The following ZNF83 variants were observed in gnomAD, a reference collection of about 807,000 sequenced individuals.
ZNF83 encodes the protein zinc finger protein 83.
For missense variants in ZNF83, 552 were observed against 629.9 expected, an observed-to-expected ratio of 0.88 and a Z score of 1.32; for synonymous variants, 209 against 213.0, an observed-to-expected ratio of 0.98 and a Z score of 0.17.
exon 3 of ZNF83, chr19:52,655,617 T>C (rs1393540413): frequency 9.3e-6 from 14 of 1,498,488 alleles, no homozygotes; most frequent in Non-Finnish European, 1.3e-5. Flanking sequence ...TAAAGCCCTC[T>C]GTGCAGGGTT....
At chr19:52,667,096 G>A (rs1161060800) in intron 1 of ZNF83, among the ~76,000 whole-genome samples, 2 of 151,896 alleles carry the variant, frequency 1.3e-5, no homozygotes, top group African/African-American at 2.4e-5. Flanking sequence ...CGTTTTCAAC[G>A]AAAGTCAAGT....
At chr19:52,655,669 C>T in exon 3 of ZNF83, 2 of 1,270,536 alleles carry the variant, frequency 1.6e-6, no homozygotes, top group Non-Finnish European at 2.3e-6. Flanking sequence ...ATAGCCACAT[C>T]CCTGAAAGTC....
chr19:52,683,664 G>A (rs2061965950), intron 1 of ZNF83, among the ~76,000 whole-genome samples: 1 of 152,112 alleles, frequency 6.6e-6, no homozygotes, highest in Admixed American at 6.6e-5. Flanking sequence ...GAAGATGCAG[G>A]GTCTGGTCTG....
chr19:52,650,619 T>A (rs2061430353), intron 3 of ZNF83: 1 of 152,206 alleles, frequency 6.6e-6, no homozygotes, highest in African/African-American at 2.4e-5. Context: ...TTGTGCCCTC[T>A]AATATAAATT....
intron 2 of ZNF83, among the ~76,000 whole-genome samples, chr19:52,628,726 G>T (rs1232885564): frequency 6.6e-6 from 1 of 151,764 alleles, no homozygotes; most frequent in Non-Finnish European, 1.5e-5. Flanking sequence ...CGCCTTTCTG[G>T]GGGGCAAGAA....
chr19:52,670,712 C>T (rs929709272), intron 1 of ZNF83, among the ~76,000 whole-genome samples: 1 of 152,160 alleles, frequency 6.6e-6, no homozygotes, highest in African/African-American at 2.4e-5. Context: ...ACAGCTTCTT[C>T]TTAGACATTT....
intron 1 of ZNF83, among the ~76,000 whole-genome samples, chr19:52,689,248 C>T (rs937093116): frequency 2.0e-5 from 3 of 152,172 alleles, no homozygotes; most frequent in Non-Finnish European, 4.4e-5. Flanking sequence ...TGAGCCAGTG[C>T]GTACCTAAAA....
chr19:52,665,986 G>A (rs979368074), intron 1 of ZNF83, among the ~76,000 whole-genome samples: 9 of 146,954 alleles, frequency 6.1e-5, no homozygotes, highest in South Asian at 2.1e-4. Context: ...GTGAAACCCC[G>A]TCTCTACTAA....
rs3055370 is a variant in ZNF83 at position 52,685,897 on chromosome 19, CAAAAAAAAAAAAAAAAA to C, written c.-283+4529_-283+4545del. Among the ~76,000 whole-genome samples the C allele has an allele frequency of 1.2e-4, 16 of 132,442 alleles. 1 individual carries two copies. The Admixed American group carries it at 1.3e-3, about 11-fold the overall frequency. The allele number at this position is 132,442 out of a possible 152,430, so 86.9% of individuals were successfully genotyped here. ...CTGGGGAACAAGAGTGTAACTGTCACAAAAAAAAAAAAAAAAAAAAAAAAAAAAATACAGGAGTGCTT... is the reference window on the plus strand; with the variant it reads ...CTGGGGAACAAGAGTGTAACTGTCACAAAAAAAAAAAATACAGGAGTGCTT... On this transcript the variant is annotated intron_variant, in intron 1 of 5. Transcript: ENST00000594682.
chr19:52,617,204 A>ATCATT (rs1192515396), intron 2 of ZNF83: 1 of 152,292 alleles, frequency 6.6e-6, no homozygotes, highest in Non-Finnish European at 1.5e-5. Flanking sequence ...ATAGAAAGGA[A>ATCATT]TCATTTCAAG....
upstream of ZNF83, among the ~76,000 whole-genome samples, chr19:52,639,333 G>A (rs2061253444): frequency 6.6e-6 from 1 of 151,182 alleles, no homozygotes. Flanking sequence ...TAATCCGCCC[G>A]CCTCGGCCTC....
chr19:52,662,656 C>T (rs191271102), intron 1 of ZNF83, among the ~76,000 whole-genome samples: 31 of 152,112 alleles, frequency 2.0e-4, no homozygotes, highest in African/African-American at 7.0e-4. Context: ...AACTATTTGG[C>T]CAATCATTTC....
chr19:52,630,624 T>C (rs1157528911), intron 2 of ZNF83, among the ~76,000 whole-genome samples: 3 of 151,920 alleles, frequency 2.0e-5, no homozygotes, highest in Non-Finnish European at 4.4e-5. Flanking sequence ...ACCCAAAGCT[T>C]CCTTCGCATC....
intron 1 of ZNF83, among the ~76,000 whole-genome samples, chr19:52,688,950 GAAAA>G (rs56247444): frequency 0.5 from 63,658 of 127,150 alleles, 15,137 homozygotes; most frequent in African/African-American, 0.57. Context: ...AAGGTTGAAG[GAAAA>G]AAAAAAAAAA....
chr19:52,682,832 T>C (rs922714585), intron 1 of ZNF83, among the ~76,000 whole-genome samples: 8 of 152,206 alleles, frequency 5.3e-5, no homozygotes, highest in Non-Finnish European at 1.2e-4. Context: ...TTTGCCATTG[T>C]ACTCCAGACC....
rs539750849 is a variant in ZNF83 at position 52,634,762 on chromosome 19, C to A, written c.-234+304G>T. Among the ~76,000 whole-genome samples the A allele has an allele frequency of 2.0e-5, 3 of 152,214 alleles. No individual in the cohort carries two copies. The South Asian group carries it at 6.2e-4, about 32-fold the overall frequency. On this transcript the variant is annotated intron_variant, in intron 2 of 2. Coordinates refer to ENST00000301096, the Ensembl canonical transcript of ZNF83. Reference sequence around the variant, plus strand: ...AGTTGACAGAGCATCCAGATGTGGCCCCTGAACAATCCCTGCTGCCCAACA... The same window carrying A: ...AGTTGACAGAGCATCCAGATGTGGCACCTGAACAATCCCTGCTGCCCAACA...
intron 2 of ZNF83, among the ~76,000 whole-genome samples, chr19:52,615,037 G>A (rs1204093468): frequency 6.6e-6 from 1 of 152,026 alleles, no homozygotes; most frequent in Non-Finnish European, 1.5e-5. Flanking sequence ...GAAACCTATG[G>A]CCAAACCACT....
intron 3 of ZNF83, among the ~76,000 whole-genome samples, chr19:52,645,032 G>A (rs1177902395): frequency 5.7e-5 from 8 of 139,548 alleles, no homozygotes; most frequent in African/African-American, 8.2e-5. Flanking sequence ...AAAAAAAAAA[G>A]GGGGTGCTTT....
chr19:52,683,009 T>TGC (rs2061947922), intron 1 of ZNF83, among the ~76,000 whole-genome samples: 2 of 152,164 alleles, frequency 1.3e-5, no homozygotes, highest in Non-Finnish European at 2.9e-5. Flanking sequence ...TAGCTGAGAT[T>TGC]ATAGGCATGT....
Sources: allele counts gnomAD v4.1 joint callset (sites outside exome capture counted in the v4.1 genomes callset), GRCh38; gene constraint gnomAD v4.1.1; transcripts MANE v1.5; gene names NCBI Gene and HGNC (gene_info 2026-07-23, HGNC 2026-07-21).